GNG2: variants seen among roughly 807,000 people sequenced by gnomAD.
The protein encoded by GNG2 is guanine nucleotide-binding protein G(I)/G(S)/G(O) subunit gamma-2.
In GNG2, 5 loss-of-function variants were observed where a neutral mutation model predicts 5.5. The ratio of observed to expected loss-of-function variants is 0.91; its 90% CI spans 0.48 to 1.92. The LOEUF (loss-of-function observed/expected upper bound fraction) is 1.92, where lower values mean the gene tolerates loss of function less well. Ranked by LOEUF, GNG2 falls within the 30% of genes most tolerant of loss-of-function variation. The pLI is 0.01. For synonymous variants in GNG2, 28 were observed against 32.0 expected (o/e 0.88, Z 0.42); for missense variants, 55 against 88.4 (o/e 0.62, Z 1.52).
chr14:51,845,023 C>A (rs963136352), intron 2 of GNG2, among the ~76,000 whole-genome samples: 18 of 151,906 alleles, frequency 1.2e-4, no homozygotes, highest in South Asian at 2.1e-4. Context: ...CCATGCCCAG[C>A]CCTCCTGCCA....
intron 2 of GNG2, among the ~76,000 whole-genome samples, chr14:51,878,652 A>T (rs187764203): frequency 1.3e-5 from 2 of 152,314 alleles, no homozygotes; most frequent in Admixed American, 1.3e-4. Flanking sequence ...CTTCCTTAGG[A>T]TAAGAGGATC....
chr14:51,855,598 T>C (rs954833745), upstream of GNG2, among the ~76,000 whole-genome samples: 28 of 152,246 alleles, frequency 1.8e-4, no homozygotes, highest in Admixed American at 1.6e-3. Flanking sequence ...GTAATTTATT[T>C]ATTCTTGATT....
chr14:51,924,349 T>G (rs957671101), intron 2 of GNG2, among the ~76,000 whole-genome samples: 1 of 152,214 alleles, frequency 6.6e-6, no homozygotes, highest in African/African-American at 2.4e-5. Flanking sequence ...CTACCAATCA[T>G]TTTACCTGAA....
At chr14:51,854,192 T>C (rs1427626757) in intron 2 of GNG2, among the ~76,000 whole-genome samples, 1 of 152,152 alleles carries the variant, frequency 6.6e-6, no homozygotes, top group Admixed American at 6.5e-5. Context: ...AATGTCTATA[T>C]TGATCTTCAG....
At chr14:51,900,331 CA>C (rs1885466811) in intron 2 of GNG2, among the ~76,000 whole-genome samples, 1 of 151,876 alleles carries the variant, frequency 6.6e-6, no homozygotes, top group Admixed American at 6.6e-5. Context: ...ATGTAACAAG[CA>C]CATGTAAAAG....
intron 2 of GNG2, among the ~76,000 whole-genome samples, chr14:51,910,422 C>T (rs1316306279): frequency 6.6e-6 from 1 of 152,156 alleles, no homozygotes; most frequent in African/African-American, 2.4e-5. Flanking sequence ...AGGACCGATA[C>T]ATTTTCCTGG....
Position 51,882,304 on chromosome 14 carries a change from T to C in GNG2, c.-30+4647T>C, listed in dbSNP as rs371048938. ...ACCTCAATTTAAAACAAAATGCCGA[T>C]TGAACTTCAAGAGGAAAAAAGAAAA... On this transcript the variant is annotated intron_variant, in intron 2 of 3. Coordinates refer to ENST00000556766, the MANE Select transcript of GNG2 (RefSeq NM_053064.5). Among the ~76,000 whole-genome samples the C allele has an allele frequency of 5.9e-5, 9 of 152,218 alleles. No homozygotes were observed. In the South Asian group the frequency reaches 1.7e-3, roughly 28 times the overall value.
chr14:51,958,448 C>A (rs974052488), intron 3 of GNG2, among the ~76,000 whole-genome samples: 1 of 145,250 alleles, frequency 6.9e-6, no homozygotes, highest in African/African-American at 2.5e-5. Flanking sequence ...TTCCCCCCCC[C>A]CATTTATATT....
intron 2 of GNG2, among the ~76,000 whole-genome samples, chr14:51,898,984 G>T (rs1885377544): frequency 1.3e-5 from 2 of 152,206 alleles, no homozygotes; most frequent in African/African-American, 4.8e-5. Context: ...GAAAGAAAGA[G>T]CAGCTGTGAG....
At chr14:51,827,917 A>G in intron 2 of GNG2, 1 of 601,024 alleles carries the variant, frequency 1.7e-6, no homozygotes, top group East Asian at 2.9e-5. Context: ...AGAGAGTCTG[A>G]GAGTGGGAGG....
At chr14:51,942,599 T>TCTTTTC (rs1888404871) in intron 2 of GNG2, among the ~76,000 whole-genome samples, 2 of 134,148 alleles carry the variant, frequency 1.5e-5, no homozygotes, top group African/African-American at 5.8e-5. Flanking sequence ...CTTTTTTTTT[T>TCTTTTC]TTTTTTTAGA....
chr14:51,923,565 A>G (rs1400990907), intron 2 of GNG2, among the ~76,000 whole-genome samples: 1 of 55,594 alleles, frequency 1.8e-5, no homozygotes, highest in Non-Finnish European at 5.2e-5. Flanking sequence ...ACAAACACAC[A>G]ATACACACAC....
chr14:51,937,343 A>C (rs1888065484), intron 2 of GNG2, among the ~76,000 whole-genome samples: 1 of 152,184 alleles, frequency 6.6e-6, no homozygotes, highest in Non-Finnish European at 1.5e-5. Flanking sequence ...AGGATGGTAA[A>C]TCTTGCAGTG....
At chr14:51,885,820 AG>A (rs199909340) in intron 2 of GNG2, among the ~76,000 whole-genome samples, 4,619 of 152,270 alleles carry the variant, frequency 0.03, 292 homozygotes, top group East Asian at 0.24. Flanking sequence ...GGAGATAGGA[AG>A]TATTTGTTTT....
chr14:51,874,981 A>G (rs1415524063), intron 1 of GNG2, among the ~76,000 whole-genome samples: 1 of 152,200 alleles, frequency 6.6e-6, no homozygotes, highest in Admixed American at 6.5e-5. Context: ...ATTCATACTG[A>G]TTATTGAAAA....
At chr14:51,866,781 A>G (rs1440173281) in intron 1 of GNG2, among the ~76,000 whole-genome samples, 1 of 152,178 alleles carries the variant, frequency 6.6e-6, no homozygotes, top group Non-Finnish European at 1.5e-5. Flanking sequence ...AGGTGGCCTC[A>G]TGTCCTAATA....
intron 3 of GNG2, among the ~76,000 whole-genome samples, chr14:51,965,021 TTC>T (rs1889815441): frequency 6.6e-6 from 1 of 152,156 alleles, no homozygotes; most frequent in Non-Finnish European, 1.5e-5. Context: ...CATAAATTAT[TTC>T]AGTCGGACGA....
chr14:51,910,498 G>T (rs770445787), intron 2 of GNG2, among the ~76,000 whole-genome samples: 1 of 152,224 alleles, frequency 6.6e-6, no homozygotes, highest in South Asian at 2.1e-4. Context: ...AAGGAAGGGG[G>T]AAAGTGACAG....
intron 2 of GNG2, among the ~76,000 whole-genome samples, chr14:51,845,316 C>A (rs1375638009): frequency 6.6e-6 from 1 of 152,126 alleles, no homozygotes; most frequent in African/African-American, 2.4e-5. Flanking sequence ...CACGGCGAAG[C>A]CCTATATCTA....
Sources: allele counts gnomAD v4.1 joint callset (sites outside exome capture counted in the v4.1 genomes callset), GRCh38; gene constraint gnomAD v4.1.1; transcripts MANE v1.5; gene names NCBI Gene and HGNC (gene_info 2026-07-23, HGNC 2026-07-21).